PDZK1: variants seen among roughly 807,000 people sequenced by gnomAD.
PDZK1 encodes Na(+)/H(+) exchange regulatory cofactor NHE-RF3.
Under a neutral mutation model 38.1 loss-of-function variants are expected in PDZK1, and 23 were observed. The ratio of observed to expected loss-of-function variants is 0.60; its 90% CI spans 0.43 to 0.85. PDZK1 has a LOEUF of 0.85. Ranked by LOEUF, PDZK1 falls within the 40% of genes least tolerant of loss-of-function variation. The probability of loss-of-function intolerance (pLI) is 0.00; values close to 1 mark genes in which losing one functional copy is unlikely to be tolerated. For synonymous variants in PDZK1, 98 were observed against 186.2 expected (o/e 0.53, Z 3.86); for missense variants, 297 against 504.3 (o/e 0.59, Z 3.94).
At chr1:145,702,832 G>A (rs1656039667) in intron 1 of PDZK1, among the ~76,000 whole-genome samples, 1 of 152,198 alleles carries the variant, frequency 6.6e-6, no homozygotes, top group Admixed American at 6.5e-5. Context: ...GGCGGAGCTT[G>A]CAGTGAGCCA....
chr1:145,676,506 C>T (rs1269934971), intron 6 of PDZK1, among the ~76,000 whole-genome samples: 1 of 150,798 alleles, frequency 6.6e-6, no homozygotes, highest in Non-Finnish European at 1.5e-5. Flanking sequence ...GAGGCCGAGG[C>T]GGGCGGATCA....
At position 145,676,149 on chromosome 1, in the gene PDZK1, A is replaced by G. The variant is rs1186981338; in HGVS notation, c.991-2268T>C. The G allele has an allele frequency of 9.2e-6, 9 of 982,512 alleles. No individual in the cohort carries two copies. In the African/African-American group the frequency reaches 1.0e-4, roughly 11 times the overall value. 60.9% of individuals were successfully genotyped at this position (982,512 alleles called of 1,614,324 possible). Reference sequence around the variant, plus strand: ...AGATCTACCCTCCACCCCAACCTACAGGGCTTACTTTGGAGAGCGGGGAAG... The same window carrying G: ...AGATCTACCCTCCACCCCAACCTACGGGGCTTACTTTGGAGAGCGGGGAAG... On this transcript the variant is annotated intron_variant, in intron 6 of 8. Transcript: ENST00000417171.
intron 6 of PDZK1, among the ~76,000 whole-genome samples, chr1:145,674,868 C>A (rs1420700755): frequency 6.6e-6 from 1 of 152,082 alleles, no homozygotes; most frequent in East Asian, 1.9e-4. Flanking sequence ...TAATATAACA[C>A]TATTTTTATC....
In PDZK1 at chr1:145,680,963, T is replaced by G. The variant is rs1654185711; in HGVS notation, c.742A>C (p.Lys248Gln). Residue 248 changes from lysine (K) to glutamine (Q), a missense_variant, in exon 5 of 9, where the codon AAA (lysine) becomes CAA (glutamine). Lys to Gln is a moderately conservative substitution (Grantham distance 53, BLOSUM62 1). Transcript: ENST00000417171. Reference protein sequence around the residue: ...PHQPRIVEMKKGSNGYGFYLR... With the variant: ...PHQPRIVEMKQGSNGYGFYLR... ...TAGAAACCATAGCCATTGCTTCCTTTCTTCATCTCCACAATTCGGGGCTGG... is the reference window on the plus strand; with the variant it reads ...TAGAAACCATAGCCATTGCTTCCTTGCTTCATCTCCACAATTCGGGGCTGG... The G allele has an allele frequency of 7.0e-6, 4 of 573,312 alleles. No homozygotes were observed. In the Admixed American group the frequency reaches 1.0e-4, roughly 15 times the overall value. The allele number at this position is 573,312 out of a possible 1,614,324, so 35.5% of individuals were successfully genotyped here.
chr1:145,683,810 C>G (rs1457458025), intron 3 of PDZK1, among the ~76,000 whole-genome samples: 1 of 150,382 alleles, frequency 6.6e-6, no homozygotes, highest in Non-Finnish European at 1.5e-5. Flanking sequence ...CTTATTAAAT[C>G]GAGAACTTTT....
intron 1 of PDZK1, among the ~76,000 whole-genome samples, chr1:145,696,748 G>GA (rs1655652678): frequency 6.6e-6 from 1 of 152,212 alleles, no homozygotes; most frequent in African/African-American, 2.4e-5. Context: ...GTTTGAAAGG[G>GA]AATGTGTCAA....
At chr1:145,671,792 A>G (rs141323637) in intron 8 of PDZK1, among the ~76,000 whole-genome samples, 4,605 of 151,596 alleles carry the variant, frequency 0.03, 216 homozygotes, top group African/African-American at 0.1. Context: ...CAAATTCCTT[A>G]ATGTCTGTGT....
At chr1:145,690,463 TAAAAC>T (rs1655147196) in intron 1 of PDZK1, among the ~76,000 whole-genome samples, 4 of 152,052 alleles carry the variant, frequency 2.6e-5, no homozygotes, top group Non-Finnish European at 5.9e-5. Flanking sequence ...GTGAAGAAAA[TAAAAC>T]AATGTCAAAC....
At chr1:145,700,822 G>T (rs782180384) in intron 1 of PDZK1, among the ~76,000 whole-genome samples, 3 of 152,102 alleles carry the variant, frequency 2.0e-5, no homozygotes, top group Admixed American at 6.5e-5. Flanking sequence ...CAATTATGCC[G>T]TCAGTATCAC....
intron 1 of PDZK1, among the ~76,000 whole-genome samples, chr1:145,698,319 T>C (rs184029107): frequency 2.6e-5 from 4 of 152,186 alleles, no homozygotes; most frequent in Admixed American, 2.6e-4. Flanking sequence ...AATCTAGATT[T>C]ACATAAAATG....
intron 1 of PDZK1, among the ~76,000 whole-genome samples, chr1:145,688,994 A>G (rs1553702578): frequency 1.3e-5 from 2 of 152,258 alleles, no homozygotes; most frequent in Non-Finnish European, 2.9e-5. Context: ...AGCTGGTCCA[A>G]TATGTTGGAG....
At chr1:145,699,504 T>C (rs1285337851) in intron 1 of PDZK1, among the ~76,000 whole-genome samples, 2 of 152,230 alleles carry the variant, frequency 1.3e-5, no homozygotes, top group Non-Finnish European at 2.9e-5. Flanking sequence ...GGGGCCAACA[T>C]GAATTGGCAG....
At chr1:145,688,819 C>T (rs145613685) in intron 1 of PDZK1, among the ~76,000 whole-genome samples, 1 of 152,122 alleles carries the variant, frequency 6.6e-6, no homozygotes. Context: ...ATTAGCCAGG[C>T]GTGGTGGCAG....
intron 6 of PDZK1, among the ~76,000 whole-genome samples, chr1:145,674,884 C>G (rs587596231): frequency 4.6e-5 from 7 of 152,188 alleles, no homozygotes; most frequent in African/African-American, 1.7e-4. Flanking sequence ...TTATCACTAT[C>G]CAAAGATTCA....
In PDZK1 at chr1:145,687,798, A is replaced by G; in HGVS notation, c.210+14T>C. 1 of 1,596,248 alleles carries G rather than the reference A, an allele frequency of 6.3e-7. No homozygotes were observed. Among genetic ancestry groups the G allele is most frequent in the Non-Finnish European group, 8.6e-7 (1 of 1,163,702 alleles). Reference sequence around the variant, plus strand: ...AAGAGATCCTGGAAGAAAAGCCCCAAATGTCTCATTCACCTGCATATGTTC... The same window carrying G: ...AAGAGATCCTGGAAGAAAAGCCCCAGATGTCTCATTCACCTGCATATGTTC... On this transcript the variant is annotated intron_variant, in intron 2 of 8. Transcript: ENST00000417171.
chr1:145,672,470 T>C (rs1288135230), intron 8 of PDZK1, among the ~76,000 whole-genome samples: 5 of 150,692 alleles, frequency 3.3e-5, no homozygotes, highest in South Asian at 2.1e-4. Context: ...GGGTTCCCAT[T>C]ACAATACTGA....
At chr1:145,695,882 C>T (rs1655600461) in intron 1 of PDZK1, among the ~76,000 whole-genome samples, 1 of 152,184 alleles carries the variant, frequency 6.6e-6, no homozygotes, top group Non-Finnish European at 1.5e-5. Flanking sequence ...GCCTTGTTCC[C>T]TCAGATTTCT....
At chr1:145,693,504 C>T (rs1236430291) in intron 1 of PDZK1, among the ~76,000 whole-genome samples, 1 of 151,538 alleles carries the variant, frequency 6.6e-6, no homozygotes, top group Non-Finnish European at 1.5e-5. Flanking sequence ...CGCGGTGGCT[C>T]ACGCCTGTAA....
chr1:145,695,904 T>C (rs1392589710), intron 1 of PDZK1, among the ~76,000 whole-genome samples: 2 of 152,162 alleles, frequency 1.3e-5, no homozygotes, highest in African/African-American at 2.4e-5. Context: ...CATGCAGAGA[T>C]TATCTCAGAC....
Sources: allele counts gnomAD v4.1 joint callset (sites outside exome capture counted in the v4.1 genomes callset), GRCh38; gene constraint gnomAD v4.1.1; transcripts MANE v1.5; gene names NCBI Gene and HGNC (gene_info 2026-07-23, HGNC 2026-07-21).